Variants in TRIM48 observed in about 807,000 individuals in gnomAD.
The protein encoded by TRIM48 is tripartite motif containing 48.
A neutral mutation model predicts 29.5 loss-of-function variants in TRIM48; 31 were observed. The observed-to-expected ratio is 1.05, with a 90% CI of 0.79 to 1.42. TRIM48 has a LOEUF of 1.42. Among genes scored for constraint, TRIM48 ranks in the 40% most tolerant of loss-of-function variants. The probability of loss-of-function intolerance (pLI) is 0.00; values close to 1 mark genes in which losing one functional copy is unlikely to be tolerated. For synonymous variants in TRIM48, 128 were observed against 90.6 expected, an observed-to-expected ratio of 1.41 and a Z score of -2.34; for missense variants, 344 against 265.0, an observed-to-expected ratio of 1.30 and a Z score of -2.07.
At position 55,268,875 on chromosome 11, in the gene TRIM48, G is replaced by T. The variant is rs1044415015; in HGVS notation, c.579-367G>T. Among the ~76,000 whole-genome samples, 37 of 148,102 alleles carry T rather than the reference G, an allele frequency of 2.5e-4. 2 individuals are homozygous for T. Among genetic ancestry groups the T allele is most frequent in the African/African-American group, 8.4e-4 (34 of 40,592 alleles). On this transcript the variant is annotated intron_variant, in intron 4 of 5. Coordinates refer to ENST00000417545, the MANE Select transcript of TRIM48 (RefSeq NM_024114.5). ...AGTTTCACATTCTTTATCTTGAAAA[G>T]GAAGCAGCAGATGCAGCAGTCTCCC... is the stretch of plus-strand genomic sequence containing the variant.
At position 55,265,623 on chromosome 11, in the gene TRIM48, G is replaced by C. The variant is rs778818376; in HGVS notation, c.483G>C (p.Gln161His). Residue 161 changes from glutamine to histidine, a missense_variant, in exon 3 of 6, where the codon CAG (glutamine) becomes CAC (histidine). Transcript: ENST00000417545. Reference sequence around the variant, plus strand: ...AGGAGAAGCTTTTAAAGAAAATGCAGTCTTTATGGGAAAAAGCTTGTGAAA... The same window carrying C: ...AGGAGAAGCTTTTAAAGAAAATGCACTCTTTATGGGAAAAAGCTTGTGAAA... The part of the protein sequence containing the change: ...EHWEKLLKKM[Q>H]SLWEKACENQ... The C allele has an allele frequency of 1.1e-5, 17 of 1,582,080 alleles. 4 individuals are homozygous for C. In the South Asian group the frequency reaches 1.9e-4, roughly 18 times the overall value.
At chr11:55,263,172 C>A (rs570000956) in intron 1 of TRIM48, among the ~76,000 whole-genome samples, 1 of 152,038 alleles carries the variant, frequency 6.6e-6, no homozygotes, top group African/African-American at 2.4e-5. Flanking sequence ...TTTACTGCAC[C>A]TTTTCTGTAT....
At chr11:55,267,401 C>T (rs1266711775) in intron 3 of TRIM48, 2 of 1,574,426 alleles carry the variant, frequency 1.3e-6, no homozygotes, top group African/African-American at 1.4e-5. Flanking sequence ...CCCATTATTA[C>T]TGCCGTATTA....
At chr11:55,263,626 C>A (rs1286823837) in intron 1 of TRIM48, among the ~76,000 whole-genome samples, 2 of 152,128 alleles carry the variant, frequency 1.3e-5, no homozygotes, top group Non-Finnish European at 2.9e-5. Flanking sequence ...TGCACCACTG[C>A]ACTCCAGCCT....
intron 5 of TRIM48, among the ~76,000 whole-genome samples, chr11:55,269,576 GA>G (rs35106526): frequency 6.8e-6 from 1 of 147,360 alleles, no homozygotes; most frequent in Non-Finnish European, 1.5e-5. Flanking sequence ...AATGTAATGG[GA>G]AAAAAGGAGT....
intron 1 of TRIM48, among the ~76,000 whole-genome samples, chr11:55,263,998 CAT>C (rs1281258492): frequency 2.0e-4 from 30 of 152,142 alleles, no homozygotes; most frequent in African/African-American, 6.3e-4. Flanking sequence ...CACCAACTCA[CAT>C]GTCTCTCTCC....
chr11:55,263,582 G>C (rs573820133), intron 1 of TRIM48, among the ~76,000 whole-genome samples: 3 of 151,950 alleles, frequency 2.0e-5, no homozygotes, highest in Non-Finnish European at 4.4e-5. Context: ...GACTCGCTTT[G>C]ACCCAGGAGG....
At chr11:55,265,489 G>A in intron 2 of TRIM48, 111 bp from the exon 3 acceptor site, 1 of 1,478,316 alleles carries the variant, frequency 6.8e-7, no homozygotes. Context: ...CAGAAGAAAT[G>A]CCATTTACTA....
chr11:55,264,892 T>C lies in TRIM48; in HGVS notation c.45-8T>C. 1 of 1,582,840 alleles carries C rather than the reference T, an allele frequency of 6.3e-7. No homozygotes were observed. The highest frequency in any genetic ancestry group is 8.6e-7 in the Non-Finnish European group (1 of 1,165,908). On this transcript the variant is annotated splice_polypyrimidine_tract_variant and splice_region_variant and intron_variant, in intron 1 of 5. Transcript: ENST00000417545. ...CCCCAAAATGACATGCTGCTCTTTCTTCCTCAGAAACATGAATTCTGGAAT... is the reference window on the plus strand; with the variant it reads ...CCCCAAAATGACATGCTGCTCTTTCCTCCTCAGAAACATGAATTCTGGAAT...
In TRIM48 at chr11:55,265,146, T is replaced by A; in HGVS notation, c.291T>A (p.Ser97Arg). Residue 97 changes from serine to arginine, a missense_variant, in exon 2 of 6, where the codon AGT (serine) becomes AGA (arginine). Transcript: ENST00000417545. ...TGGCTTCCCTTGCCAGAAAAGCCAG[T>A]CTCTGGCTATTCCTGAGCTCTGAGG... Reference protein sequence around the residue: ...KKMASLARKASLWLFLSSEEQ... With the variant: ...KKMASLARKARLWLFLSSEEQ... The A allele has an allele frequency of 6.3e-7, 1 of 1,582,530 alleles. No individual in the cohort carries two copies. The highest frequency in any genetic ancestry group is 1.7e-5 in the Admixed American group (1 of 58,530).
chr11:55,269,971 G>A (rs1417707748), intron 5 of TRIM48, among the ~76,000 whole-genome samples: 1 of 147,892 alleles, frequency 6.8e-6, no homozygotes, highest in Non-Finnish European at 1.5e-5. Context: ...GCAGAAATCT[G>A]CTTCAAATGA....
chr11:55,263,578 C>T (rs1390210840), intron 1 of TRIM48, among the ~76,000 whole-genome samples: 3 of 152,076 alleles, frequency 2.0e-5, no homozygotes, highest in Non-Finnish European at 4.4e-5. Flanking sequence ...AGGAGACTCG[C>T]TTTGACCCAG....
rs775368916 is a variant in TRIM48 at position 55,265,183 on chromosome 11, G to A, written c.328G>A (p.Gly110Ser). Residue 110 changes from glycine (G) to serine (S), a missense_variant, in exon 2 of 6, where the codon GGC (glycine) becomes AGC (serine). By Grantham distance (56) the Gly-to-Ser change is moderately conservative. Coordinates refer to ENST00000417545, the MANE Select transcript of TRIM48 (RefSeq NM_024114.5). ...LFLSSEEQMCGIHRETKKMFC... is the reference protein window; with the variant it reads ...LFLSSEEQMCSIHRETKKMFC... ...CCTGAGCTCTGAGGAGCAAATGTGT[G>A]GCATTCACAGGGAGACAAAGAAGAT... 6.3e-7 allele frequency: 1 copy of A among 1,582,772 alleles called. No homozygotes were observed. Among genetic ancestry groups the A allele is most frequent in the Non-Finnish European group, 8.6e-7 (1 of 1,166,176 alleles).
chr11:55,266,209 T>A (rs1195722641), intron 3 of TRIM48, among the ~76,000 whole-genome samples: 4 of 147,342 alleles, frequency 2.7e-5, no homozygotes, highest in Non-Finnish European at 6.0e-5. Context: ...ATACATAACA[T>A]ATGATGAGAA....
intron 3 of TRIM48, among the ~76,000 whole-genome samples, chr11:55,266,204 T>C (rs1164899465): frequency 6.8e-6 from 1 of 147,568 alleles, no homozygotes; most frequent in Non-Finnish European, 1.5e-5. Flanking sequence ...GAATAATACA[T>C]AACATATGAT....
intron 1 of TRIM48, among the ~76,000 whole-genome samples, chr11:55,262,647 G>A (rs3851112): frequency 0.11 from 16,162 of 151,922 alleles, 1,070 homozygotes; most frequent in East Asian, 0.16. Context: ...TTATACAATT[G>A]AATTGAGAAG....
At position 55,264,825 on chromosome 11, in the gene TRIM48, T is replaced by C; in HGVS notation, c.45-75T>C. 17 of 1,547,736 alleles carry C rather than the reference T, an allele frequency of 1.1e-5. 2 individuals carry two copies. Among genetic ancestry groups the C allele is most frequent in the Non-Finnish European group, 1.5e-5 (17 of 1,140,768 alleles). The stretch of plus-strand genomic sequence containing the variant: ...CTGTCAAGAGAAGAAACTATAGCTA[T>C]CACTTATCTCCACATGTTCAGAAGC... On this transcript the variant is annotated intron_variant, in intron 1 of 5. Transcript: ENST00000417545.
At position 55,269,725 on chromosome 11, in the gene TRIM48, G is replaced by T. The variant is rs1474425149; in HGVS notation, c.*1+386G>T. Among the ~76,000 whole-genome samples, 7 of 147,386 alleles carry T rather than the reference G, an allele frequency of 4.7e-5. 2 individuals are homozygous for T. The highest frequency in any genetic ancestry group is 1.7e-4 in the African/African-American group (7 of 40,256). On this transcript the variant is annotated intron_variant, in intron 5 of 5. Transcript: ENST00000417545. ...AAGAACTGTTCTTTTGGGGAATATAGTTCGCTGGAGATTCTTGGGGTTTTT... is the reference window on the plus strand; with the variant it reads ...AAGAACTGTTCTTTTGGGGAATATATTTCGCTGGAGATTCTTGGGGTTTTT...
chr11:55,267,613 A>G lies in TRIM48; in HGVS notation c.556-737A>G. The G allele has an allele frequency of 3.2e-6, 5 of 1,563,172 alleles. 1 individual carries two copies. The highest frequency in any genetic ancestry group is 2.4e-5 in the South Asian group (2 of 83,038). On this transcript the variant is annotated intron_variant, in intron 3 of 5. Transcript: ENST00000417545. ...TAAGCGGAGCTGATGAAAATGTGCCATAAACCACATGTGGAGCTACTTCAG... is the reference window on the plus strand; with the variant it reads ...TAAGCGGAGCTGATGAAAATGTGCCGTAAACCACATGTGGAGCTACTTCAG...
Sources: gnomAD v4.1 joint callset for allele counts (sites outside exome capture counted in the v4.1 genomes callset) on GRCh38, gnomAD v4.1.1 for gene constraint, MANE v1.5 for transcripts, NCBI Gene and HGNC (gene_info 2026-07-23, HGNC 2026-07-21) for gene names.